The following SAMHD1 variants were observed in gnomAD, a reference collection of about 807,000 sequenced individuals.
SAMHD1 encodes the protein SAM and HD domain containing deoxynucleoside triphosphate triphosphohydrolase 1.
SAMHD1 carries 54 observed loss-of-function variants against 79.6 expected under a neutral mutation model. The observed-to-expected ratio is 0.68, with a 90% CI of 0.55 to 0.85. SAMHD1 has a LOEUF of 0.85. SAMHD1 is among the 40% of genes least tolerant of loss of function. The probability of loss-of-function intolerance (pLI) is 0.00; values close to 1 mark genes in which losing one functional copy is unlikely to be tolerated. For synonymous variants in SAMHD1, 260 were observed against 264.1 expected (o/e 0.98, Z 0.15); for missense variants, 663 against 782.7 (o/e 0.85, Z 1.82).
At chr20:36,916,482 A>G in intron 9 of SAMHD1, 1 of 430,990 alleles carries the variant, frequency 2.3e-6, no homozygotes, top group South Asian at 2.4e-5. Context: ...AAAAAATGCA[A>G]CCAACCAAAC....
chr20:36,916,442 G>A (rs1178561590), intron 9 of SAMHD1: 1 of 364,916 alleles, frequency 2.7e-6, no homozygotes, highest in Non-Finnish European at 5.1e-6. Context: ...GACTAGCCTG[G>A]GCAACACAGT....
At position 36,943,502 on chromosome 20, in the gene SAMHD1, A is replaced by G. The variant is rs541500896; in HGVS notation, c.276-2391T>C. ...GAGGTGGGGCACAGAGACGTGCAAT[A>G]TAGTGTTCCTTCTGGAACACTGCAA... On this transcript the variant is annotated intron_variant, in intron 2 of 15. Coordinates refer to ENST00000646673, the MANE Select transcript of SAMHD1 (RefSeq NM_015474.4). 2.0e-5 allele frequency among the ~76,000 whole-genome samples: 3 copies of G among 152,028 alleles called. No individual in the cohort carries two copies. In the South Asian group the frequency reaches 6.2e-4, roughly 32 times the overall value.
chr20:36,893,414 G>C (rs1990128950), intron 15 of SAMHD1: 6 of 375,706 alleles, frequency 1.6e-5, no homozygotes, highest in Middle Eastern at 7.8e-4. Flanking sequence ...TGAACCCCTA[G>C]CTTCTCTCTC....
At position 36,948,505 on chromosome 20, in the gene SAMHD1, G is replaced by A. The variant is rs111768384; in HGVS notation, c.209-1701C>T. 4.6e-4 allele frequency among the ~76,000 whole-genome samples: 70 copies of A among 151,998 alleles called. 1 individual carries two copies. The highest frequency in any genetic ancestry group is 1.6e-3 in the African/African-American group (66 of 41,528). On this transcript the variant is annotated intron_variant, in intron 1 of 15. Coordinates refer to ENST00000646673, the MANE Select transcript of SAMHD1 (RefSeq NM_015474.4). ...TGACCTCAGGTGATCTACCTGCTTC[G>A]GCCTTCCAAAGTGCTGGGATTACAG...
intron 7 of SAMHD1, among the ~76,000 whole-genome samples, chr20:36,917,705 T>C (rs1191403349): frequency 6.6e-6 from 1 of 152,130 alleles, no homozygotes; most frequent in Non-Finnish European, 1.5e-5. Flanking sequence ...AATGCTTGAA[T>C]TCATGCATTA....
chr20:36,938,501 C>G (rs1433942161), intron 3 of SAMHD1, among the ~76,000 whole-genome samples: 1 of 151,736 alleles, frequency 6.6e-6, no homozygotes, highest in African/African-American at 2.4e-5. Flanking sequence ...GATCACGCCA[C>G]TGCACTCCAG....
At chr20:36,893,416 TTC>T in intron 15 of SAMHD1, 1 of 372,394 alleles carries the variant, frequency 2.7e-6, no homozygotes, top group Non-Finnish European at 5.0e-6. Flanking sequence ...AACCCCTAGC[TTC>T]TCTCTCGCCT....
intron 3 of SAMHD1, among the ~76,000 whole-genome samples, chr20:36,936,735 A>C (rs2063605983): frequency 1.3e-5 from 2 of 151,880 alleles, no homozygotes; most frequent in South Asian, 4.1e-4. Context: ...GCTGGAGTAC[A>C]ATCAGGGCTC....
At chr20:36,947,072 G>A in intron 1 of SAMHD1, 1 of 350,406 alleles carries the variant, frequency 2.9e-6, no homozygotes, top group South Asian at 2.9e-5. Flanking sequence ...GTTGCAAAAA[G>A]GAAAGTGAAA....
chr20:36,911,173 C>G (rs1271441298), intron 11 of SAMHD1, 45 bp downstream of exon 11: 2 of 1,134,700 alleles, frequency 1.8e-6, no homozygotes, highest in African/African-American at 3.0e-5. Context: ...GGACTTCTTA[C>G]AGTTTATCTG....
At chr20:36,893,191 A>G in intron 15 of SAMHD1, 125 bp from the exon 16 acceptor site, 1 of 1,208,870 alleles carries the variant, frequency 8.3e-7, no homozygotes, top group Non-Finnish European at 1.2e-6. Flanking sequence ...GCTGTCCTCA[A>G]TCCAGGGAAA....
intron 6 of SAMHD1, among the ~76,000 whole-genome samples, chr20:36,921,412 A>AAC (rs1555834619): frequency 1.3e-5 from 2 of 151,146 alleles, no homozygotes; most frequent in East Asian, 3.9e-4. Context: ...AAAAAAAAAA[A>AAC]CGAATTGAAT....
In SAMHD1 at chr20:36,893,030, T is replaced by C. The variant is rs1346366286; in HGVS notation, c.1783A>G (p.Lys595Glu). 3.1e-6 allele frequency: 5 copies of C among 1,614,006 alleles called. No homozygotes were observed. The highest frequency in any genetic ancestry group is 4.2e-6 in the Non-Finnish European group (5 of 1,180,028). ...DVIAPLITPQ[K>E]KEWNDSTSVQ... The stretch of plus-strand genomic sequence containing the variant: ...GAAGTACTGTCGTTCCATTCCTTTT[T>C]TTGAGGTGTTATGAGTGGGGCTATA... Residue 595 changes from lysine (K) to glutamate (E), a missense_variant, in exon 16 of 16, where the codon AAA becomes GAA. Lys to Glu is a moderately conservative substitution (Grantham distance 56). Transcript: ENST00000646673.
chr20:36,912,531 T>C lies in SAMHD1; in HGVS notation c.1084A>G (p.Met362Val), dbSNP rs1467888530. The stretch of plus-strand genomic sequence containing the variant: ...TGTAAAGAGTTGCGAGTGTGGAACA[T>C]GTCATACAGATTTCCAACTTCCTGC... ...RDKEVGNLYDMFHTRNSLHRR... is the reference protein window; with the variant it reads ...RDKEVGNLYDVFHTRNSLHRR... The change falls in exon 10 of 16, where the codon ATG becomes GTG. Residue 362 changes from methionine to valine, a missense_variant. Transcript: ENST00000646673. 2 of 1,612,758 alleles carry C rather than the reference T, an allele frequency of 1.2e-6. No homozygotes were observed. The highest frequency in any genetic ancestry group is 1.7e-6 in the Non-Finnish European group (2 of 1,178,892).
intron 15 of SAMHD1, among the ~76,000 whole-genome samples, chr20:36,894,527 G>C (rs1180890293): frequency 6.6e-6 from 1 of 151,418 alleles, no homozygotes; most frequent in Non-Finnish European, 1.5e-5. Flanking sequence ...AACACTTTGG[G>C]AGGCCAAAGC....
intron 6 of SAMHD1, among the ~76,000 whole-genome samples, chr20:36,920,139 G>A (rs1240224721): frequency 6.6e-6 from 1 of 152,004 alleles, no homozygotes; most frequent in East Asian, 1.9e-4. Context: ...AAAGAGACAG[G>A]GAATTGCTCT....
At chr20:36,915,534 C>T (rs561445242) in intron 9 of SAMHD1, among the ~76,000 whole-genome samples, 31 of 149,884 alleles carry the variant, frequency 2.1e-4, no homozygotes, top group African/African-American at 7.6e-4. Context: ...GTGAGGAGTT[C>T]GAGACCAGCC....
Position 36,892,315 on chromosome 20 carries a change from T to A in SAMHD1, c.*617A>T, listed in dbSNP as rs1224944275. 6.3e-6 allele frequency: 1 copy of A among 159,854 alleles called. No individual in the cohort carries two copies. The highest frequency in any genetic ancestry group is 1.4e-5 in the Non-Finnish European group (1 of 73,142). 9.9% of individuals were successfully genotyped at this position (159,854 alleles called of 1,614,324 possible). A position where few individuals can be genotyped will look rare whatever the true frequency, so the allele number is the denominator to read the frequency against. ...AGGGTGAGGGGAGGTGTCTTTCACT[T>A]ATGCTTAGGTCACTCTTAGAGGACT... On this transcript the variant is annotated 3_prime_UTR_variant, in exon 16 of 16. Coordinates refer to ENST00000646673, the MANE Select transcript of SAMHD1 (RefSeq NM_015474.4).
chr20:36,901,715 A>T (rs560016153), intron 13 of SAMHD1, among the ~76,000 whole-genome samples: 44 of 152,300 alleles, frequency 2.9e-4, no homozygotes, highest in Non-Finnish European at 4.6e-4. Context: ...CAGCCTGGGC[A>T]ACAGAGTGAG....
Sources: allele counts gnomAD v4.1 joint callset (sites outside exome capture counted in the v4.1 genomes callset), GRCh38; gene constraint gnomAD v4.1.1; transcripts MANE v1.5; gene names NCBI Gene and HGNC (gene_info 2026-07-23, HGNC 2026-07-21).